TMEM267: variants seen among roughly 807,000 people sequenced by gnomAD.
TMEM267 encodes transmembrane protein C5orf28.
In TMEM267, 20 loss-of-function variants were observed where a neutral mutation model predicts 19.3. That is an observed-to-expected ratio of 1.04 (90% CI 0.73 to 1.51). The LOEUF (loss-of-function observed/expected upper bound fraction) is 1.51. Among genes scored for constraint, TMEM267 ranks in the 40% most tolerant of loss-of-function variants. TMEM267 has a pLI of 0.00. For missense variants in TMEM267, 242 were observed against 261.9 expected, an observed-to-expected ratio of 0.92 and a Z score of 0.52; for synonymous variants, 88 against 90.3, an observed-to-expected ratio of 0.97 and a Z score of 0.15.
At chr5:43,473,803 C>T (rs1007840160) in intron 1 of TMEM267, among the ~76,000 whole-genome samples, 5 of 152,138 alleles carry the variant, frequency 3.3e-5, no homozygotes, top group African/African-American at 1.2e-4. Flanking sequence ...GCATAAATAG[C>T]CAAGACAATC....
chr5:43,473,848 G>A (rs1303918152), intron 1 of TMEM267, among the ~76,000 whole-genome samples: 2 of 152,128 alleles, frequency 1.3e-5, no homozygotes, highest in Non-Finnish European at 2.9e-5. Context: ...GGCATCACGT[G>A]ACCTGACTTC....
chr5:43,447,584 T>G (rs539990326), intron 2 of TMEM267, among the ~76,000 whole-genome samples: 10 of 152,294 alleles, frequency 6.6e-5, no homozygotes, highest in African/African-American at 2.4e-4. Flanking sequence ...TCTGAATCTC[T>G]GCACATATCC....
chr5:43,456,873 A>T (rs1742983466), intron 1 of TMEM267, among the ~76,000 whole-genome samples: 2 of 152,230 alleles, frequency 1.3e-5, no homozygotes, highest in South Asian at 4.1e-4. Flanking sequence ...CTTACCATAT[A>T]ACCCAGTCAT....
chr5:43,450,487 A>C (rs1742520588), intron 2 of TMEM267, among the ~76,000 whole-genome samples: 1 of 152,200 alleles, frequency 6.6e-6, no homozygotes, highest in African/African-American at 2.4e-5. Flanking sequence ...TAATACTAGA[A>C]CTATGCTGTA....
intron 1 of TMEM267, among the ~76,000 whole-genome samples, chr5:43,463,912 T>A (rs1045652812): frequency 1.3e-5 from 2 of 152,162 alleles, no homozygotes; most frequent in African/African-American, 4.8e-5. Context: ...GGATGCCCTC[T>A]CTCACCACTC....
intron 1 of TMEM267, among the ~76,000 whole-genome samples, chr5:43,471,424 A>G (rs1744060774): frequency 6.6e-6 from 1 of 152,018 alleles, no homozygotes; most frequent in South Asian, 2.1e-4. Flanking sequence ...TTCTTCACAG[A>G]AACAGAAAAA....
chr5:43,480,242 G>A lies in TMEM267; in HGVS notation c.-75+3580C>T, dbSNP rs79736093. Among the ~76,000 whole-genome samples, 1,516 of 152,096 alleles carry A rather than the reference G, an allele frequency of 1.0e-2. 29 individuals are homozygous for A. The highest frequency in any genetic ancestry group is 0.035 in the African/African-American group (1,470 of 41,492). On this transcript the variant is annotated intron_variant, in intron 1 of 2. Coordinates refer to ENST00000397080, the MANE Select transcript of TMEM267 (RefSeq NM_022483.5). Reference sequence around the variant, plus strand: ...TCAGGTATGAGAAGAACCTAGGCTGGGCACAGACTACACAGACGCCTAACA... The same window carrying A: ...TCAGGTATGAGAAGAACCTAGGCTGAGCACAGACTACACAGACGCCTAACA...
In TMEM267 at chr5:43,446,386, G is replaced by A. The variant is rs781542455; in HGVS notation, c.484C>T (p.Arg162Cys). 12 of 1,613,936 alleles carry A rather than the reference G, an allele frequency of 7.4e-6. No individual in the cohort carries two copies. Among genetic ancestry groups the A allele is most frequent in the Admixed American group, 1.7e-5 (1 of 59,978 alleles). ...AATGGGCATATCCACAAACCATGAC[G>A]AATCCCATCTCGGATATGATGTGAA... ...WTSHHIRDGI[R>C]HGLWICPFGK... The change falls in exon 3 of 3, where the codon CGT becomes TGT. Residue 162 changes from arginine to cysteine, a missense_variant. Transcript: ENST00000397080.
chr5:43,461,793 C>G (rs1743280810), intron 1 of TMEM267, among the ~76,000 whole-genome samples: 1 of 152,138 alleles, frequency 6.6e-6, no homozygotes. Context: ...AGGTAGACGT[C>G]TAAGGTTTTT....
At chr5:43,480,730 A>T (rs1018420319) in intron 1 of TMEM267, among the ~76,000 whole-genome samples, 2 of 149,092 alleles carry the variant, frequency 1.3e-5, no homozygotes, top group African/African-American at 2.5e-5. Context: ...CCAGTGCATT[A>T]TATTTTCTTT....
intron 1 of TMEM267, among the ~76,000 whole-genome samples, chr5:43,469,397 G>C (rs2112153507): frequency 6.6e-6 from 1 of 152,186 alleles, no homozygotes; most frequent in East Asian, 1.9e-4. Context: ...CAATACATTA[G>C]AAAGATCACT....
intron 1 of TMEM267, among the ~76,000 whole-genome samples, chr5:43,476,629 C>T (rs1668622371): frequency 1.5e-5 from 2 of 135,952 alleles, no homozygotes; most frequent in East Asian, 4.6e-4. Flanking sequence ...GGATTTTCTT[C>T]TAGGAACTTC....
intron 1 of TMEM267, among the ~76,000 whole-genome samples, chr5:43,455,518 G>T (rs1421396366): frequency 6.6e-6 from 1 of 151,784 alleles, no homozygotes; most frequent in East Asian, 1.9e-4. Context: ...ATCAGAAATA[G>T]AACCAAACAT....
chr5:43,463,816 G>A (rs1157512397), intron 1 of TMEM267, among the ~76,000 whole-genome samples: 2 of 152,142 alleles, frequency 1.3e-5, no homozygotes, highest in Non-Finnish European at 2.9e-5. Flanking sequence ...CAAATAATCA[G>A]AGCTATCTAT....
At chr5:43,456,332 T>G (rs1742949833) in intron 1 of TMEM267, among the ~76,000 whole-genome samples, 1 of 152,120 alleles carries the variant, frequency 6.6e-6, no homozygotes, top group African/African-American at 2.4e-5. Context: ...AAGATAAAAT[T>G]TCTGGAAAAA....
intron 1 of TMEM267, among the ~76,000 whole-genome samples, chr5:43,483,297 C>G (rs1744905975): frequency 1.3e-5 from 2 of 152,174 alleles, no homozygotes; most frequent in African/African-American, 4.8e-5. Context: ...TCAGAAGTTC[C>G]CAGACATCCT....
chr5:43,480,221 G>T (rs1382498850), intron 1 of TMEM267, among the ~76,000 whole-genome samples: 1 of 152,124 alleles, frequency 6.6e-6, no homozygotes, highest in African/African-American at 2.4e-5. Flanking sequence ...GGCCATTCAG[G>T]TATGAGAAGA....
chr5:43,446,489 G>A lies in TMEM267; in HGVS notation c.381C>T (p.Thr127=). 1 of 1,613,902 alleles carries A rather than the reference G, an allele frequency of 6.2e-7. No individual in the cohort carries two copies. The change falls in exon 3 of 3, where the codon ACC becomes ACT. Residue 127 remains threonine (T), a synonymous_variant. Transcript: ENST00000397080. Reference sequence around the variant, plus strand: ...TGAAAAGGTGCATAGTAAATTTCAGGGTCAGAACCACAACGGGAATCACAG... The same window carrying A: ...TGAAAAGGTGCATAGTAAATTTCAGAGTCAGAACCACAACGGGAATCACAG... The part of the protein sequence containing the change: ...CSTVIPVVVL[T]LKFTMHLFKL...
chr5:43,476,348 C>G (rs1326949955), intron 1 of TMEM267: 1 of 152,160 alleles, frequency 6.6e-6, no homozygotes, highest in Non-Finnish European at 1.5e-5. Flanking sequence ...GTATCCCTGT[C>G]TGACTGCCAG....
Sources: gnomAD v4.1 joint callset for allele counts (sites outside exome capture counted in the v4.1 genomes callset) on GRCh38, gnomAD v4.1.1 for gene constraint, MANE v1.5 for transcripts, NCBI Gene and HGNC (gene_info 2026-07-23, HGNC 2026-07-21) for gene names.